The following NEDD4L variants were observed in gnomAD, a reference collection of about 807,000 sequenced individuals.
NEDD4L encodes the protein NEDD4 like E3 ubiquitin protein ligase.
In NEDD4L, 54 loss-of-function variants were observed where a neutral mutation model predicts 148.9. The observed-to-expected ratio is 0.36, with a 90% CI of 0.29 to 0.45. The LOEUF (loss-of-function observed/expected upper bound fraction) is 0.45, where lower values mean the gene tolerates loss of function less well. Among genes scored for constraint, NEDD4L ranks in the 20% least tolerant of loss-of-function variants. The pLI is 1.00. For missense variants in NEDD4L, 856 were observed against 1,233.8 expected (o/e 0.69, Z 4.59); for synonymous variants, 433 against 440.7 (o/e 0.98, Z 0.22).
intron 10 of NEDD4L, among the ~76,000 whole-genome samples, chr18:58,329,504 G>A (rs907931214): frequency 2.0e-5 from 3 of 151,764 alleles, no homozygotes; most frequent in East Asian, 1.9e-4. Flanking sequence ...TTACAGGCAC[G>A]CATCACCACA....
chr18:58,396,102 C>G, intron 30 of NEDD4L, 65 bp from the exon 31 acceptor site: 1 of 1,044,990 alleles, frequency 9.6e-7, no homozygotes, highest in East Asian at 2.4e-5. Context: ...AACCTCATGC[C>G]CTATTAACCA....
At chr18:58,148,062 C>G (rs1184739316) in intron 1 of NEDD4L, among the ~76,000 whole-genome samples, 6 of 150,556 alleles carry the variant, frequency 4.0e-5, no homozygotes, top group Non-Finnish European at 7.4e-5. Context: ...TTTTTTTGGT[C>G]ACTGAAATAT....
chr18:58,048,691 G>T (rs2081712456), intron 1 of NEDD4L, among the ~76,000 whole-genome samples: 1 of 152,150 alleles, frequency 6.6e-6, no homozygotes, highest in African/African-American at 2.4e-5. Context: ...CAGGAACCCT[G>T]CTTAATGTGG....
intron 5 of NEDD4L, among the ~76,000 whole-genome samples, chr18:58,253,516 AG>A (rs2048161445): frequency 6.6e-6 from 1 of 152,200 alleles, no homozygotes; most frequent in African/African-American, 2.4e-5. Flanking sequence ...GATTCTGCTG[AG>A]GGTGCAGTTC....
At chr18:58,275,807 TAAC>T (rs1277562047) in intron 5 of NEDD4L, among the ~76,000 whole-genome samples, 1 of 152,072 alleles carries the variant, frequency 6.6e-6, no homozygotes, top group East Asian at 1.9e-4. Flanking sequence ...CAGGAAAACT[TAAC>T]AAGCAGGAAG....
chr18:58,069,456 A>G (rs1007511255), intron 1 of NEDD4L, among the ~76,000 whole-genome samples: 2 of 152,244 alleles, frequency 1.3e-5, no homozygotes, highest in African/African-American at 4.8e-5. Context: ...TTATTTTGTC[A>G]GCTCAGTTTT....
intron 2 of NEDD4L, among the ~76,000 whole-genome samples, chr18:58,192,677 G>C (rs1251335289): frequency 1.3e-5 from 2 of 148,588 alleles, no homozygotes; most frequent in Non-Finnish European, 3.0e-5. Context: ...TTCGCTGGTG[G>C]TGATGCAGCC....
chr18:58,147,477 T>C (rs1237713213), intron 1 of NEDD4L, among the ~76,000 whole-genome samples: 2 of 152,256 alleles, frequency 1.3e-5, no homozygotes, highest in Non-Finnish European at 2.9e-5. Context: ...GTCTAGCCTC[T>C]GCTGCTTAGA....
At chr18:58,235,292 T>G (rs2045877684) in intron 2 of NEDD4L, among the ~76,000 whole-genome samples, 1 of 152,178 alleles carries the variant, frequency 6.6e-6, no homozygotes, top group African/African-American at 2.4e-5. Context: ...TTATTGTTGC[T>G]TACTCACTTG....
intron 2 of NEDD4L, among the ~76,000 whole-genome samples, chr18:58,217,301 T>C (rs1206656054): frequency 1.3e-5 from 2 of 152,196 alleles, no homozygotes; most frequent in African/African-American, 2.4e-5. Context: ...CTTCGTTGTG[T>C]TCAATTTATT....
At chr18:58,080,135 G>A (rs1394124335) in intron 1 of NEDD4L, among the ~76,000 whole-genome samples, 1 of 152,094 alleles carries the variant, frequency 6.6e-6, no homozygotes, top group Non-Finnish European at 1.5e-5. Flanking sequence ...GTCTTGCCCA[G>A]GCTGGTCTCG....
rs1325638189 is a variant in NEDD4L, at chr18:58,044,714, T to C, written c.48+6T>C. On this transcript the variant is annotated splice_donor_region_variant and intron_variant, in intron 1 of 30. Coordinates refer to ENST00000400345, the MANE Select transcript of NEDD4L (RefSeq NM_001144967.3). ...ATGGACTTTCCGAAGACGAGGTGAG[T>C]GGCACCCCCTTCCTGCTCGGGACTC... is the stretch of plus-strand genomic sequence containing the variant. The C allele has an allele frequency of 6.2e-7, 1 of 1,602,428 alleles. No homozygotes were observed. Among genetic ancestry groups the C allele is most frequent in the Non-Finnish European group, 8.5e-7 (1 of 1,174,688 alleles).
chr18:58,290,725 G>GT (rs879510265), intron 5 of NEDD4L, among the ~76,000 whole-genome samples: 419 of 145,376 alleles, frequency 2.9e-3, no homozygotes, highest in Admixed American at 2.6e-3. Context: ...TTTTAGTCAA[G>GT]TTTTTTTTTT....
chr18:58,064,149 A>G (rs2144754678), intron 1 of NEDD4L, among the ~76,000 whole-genome samples: 1 of 151,648 alleles, frequency 6.6e-6, no homozygotes, highest in Admixed American at 6.6e-5. Context: ...TATTTTTAGT[A>G]GAGACGGGGT....
chr18:58,072,019 A>G (rs1485636157), intron 1 of NEDD4L, among the ~76,000 whole-genome samples: 1 of 152,204 alleles, frequency 6.6e-6, no homozygotes, highest in Non-Finnish European at 1.5e-5. Context: ...CCAACAAATT[A>G]GGTAACCTAA....
chr18:58,152,845 C>T (rs188803727), intron 1 of NEDD4L, among the ~76,000 whole-genome samples: 2 of 152,314 alleles, frequency 1.3e-5, no homozygotes, highest in East Asian at 3.9e-4. Context: ...TTCTTAGGCA[C>T]GTCTTCCAGC....
chr18:58,118,650 T>A (rs1598910921), intron 1 of NEDD4L, among the ~76,000 whole-genome samples: 1 of 151,994 alleles, frequency 6.6e-6, no homozygotes, highest in Non-Finnish European at 1.5e-5. Flanking sequence ...GGCGGGGTGG[T>A]GGGGGCGGTG....
chr18:58,149,281 G>A (rs2034423328), intron 1 of NEDD4L: 1 of 778,942 alleles, frequency 1.3e-6, no homozygotes, highest in Non-Finnish European at 1.8e-6. Context: ...TGGTGTCCAG[G>A]TGGCAGGTTC....
At chr18:58,394,470 C>T (rs1225678486) in intron 30 of NEDD4L, among the ~76,000 whole-genome samples, 4 of 152,254 alleles carry the variant, frequency 2.6e-5, no homozygotes, top group Non-Finnish European at 5.9e-5. Flanking sequence ...ATAGGGATTG[C>T]AGGCCCGGGA....
Sources: allele counts gnomAD v4.1 joint callset (sites outside exome capture counted in the v4.1 genomes callset), GRCh38; gene constraint gnomAD v4.1.1; transcripts MANE v1.5; gene names NCBI Gene and HGNC (gene_info 2026-07-23, HGNC 2026-07-21).